Variants in MACF1 observed in about 807,000 individuals in gnomAD.
MACF1 encodes microtubule actin crosslinking factor 1.
In MACF1, 193 loss-of-function variants were observed where a neutral mutation model predicts 854.8. The observed-to-expected ratio is 0.23, with a 90% CI of 0.20 to 0.25. The LOEUF is 0.25. Ranked by LOEUF, MACF1 falls within the 10% of genes least tolerant of loss-of-function variation. The pLI is 1.00. For synonymous variants in MACF1, 3,185 were observed against 3,226.7 expected, an observed-to-expected ratio of 0.99 and a Z score of 0.44; for missense variants, 7,722 against 8,929.1, an observed-to-expected ratio of 0.86 and a Z score of 5.45.
chr1:39,448,867 G>A (rs967479013), intron 84 of MACF1, 104 bp downstream of exon 84: 6 of 839,966 alleles, frequency 7.1e-6, no homozygotes, highest in Non-Finnish European at 1.1e-5. Context: ...TCAGTAAGAG[G>A]TTTTGTACCA....
chr1:39,298,858 A>G (rs1036324246), intron 21 of MACF1, among the ~76,000 whole-genome samples: 1 of 151,876 alleles, frequency 6.6e-6, no homozygotes, highest in Admixed American at 6.6e-5. Flanking sequence ...ACCTTCTGTC[A>G]TAGGGTAACT....
intron 1 of MACF1, among the ~76,000 whole-genome samples, chr1:39,212,926 G>A (rs562193409): frequency 5.2e-4 from 79 of 152,254 alleles, no homozygotes; most frequent in African/African-American, 1.4e-3. Context: ...GTGCCTGGCC[G>A]AGTTAAATGT....
intron 61 of MACF1, among the ~76,000 whole-genome samples, chr1:39,425,838 C>G (rs1643708312): frequency 6.6e-6 from 1 of 152,124 alleles, no homozygotes; most frequent in African/African-American, 2.4e-5. Flanking sequence ...CCTTCCTGGT[C>G]CATAAACTCC....
intron 2 of MACF1, among the ~76,000 whole-genome samples, chr1:39,192,878 C>T (rs1296609702): frequency 6.6e-6 from 1 of 152,070 alleles, no homozygotes; most frequent in Non-Finnish European, 1.5e-5. Flanking sequence ...TAACCCGAGG[C>T]GGGTGGATAT....
intron 61 of MACF1, among the ~76,000 whole-genome samples, chr1:39,424,995 C>T (rs1324533996): frequency 6.6e-6 from 1 of 152,170 alleles, no homozygotes; most frequent in Non-Finnish European, 1.5e-5. Context: ...CAAAGTATGG[C>T]TTGCCTATGT....
intron 97 of MACF1, among the ~76,000 whole-genome samples, chr1:39,477,043 GTGTATATATA>G (rs1644899885): frequency 1.3e-5 from 1 of 74,968 alleles, no homozygotes; most frequent in Non-Finnish European, 2.5e-5. Context: ...TATACACTTA[GTGTATATATA>G]TATATATATA....
rs1442144757 is a variant in MACF1, at chr1:39,447,559, C to T, written c.19733C>T (p.Thr6578Ile). 1.9e-6 allele frequency: 3 copies of T among 1,614,092 alleles called. No individual in the cohort carries two copies. Among genetic ancestry groups the T allele is most frequent in the Admixed American group, 1.7e-5 (1 of 60,000 alleles). Residue 6578 changes from threonine to isoleucine, a missense_variant, in exon 81 of 101, where the codon ACT becomes ATT. Thr to Ile is a moderately conservative substitution (Grantham distance 89). This residue lies in a region of MACF1 where 729 missense variants were observed against 900.5 expected (regional missense o/e 0.81). Transcript: ENST00000564288. Reference protein sequence around the residue: ...IASPPSLILNTVLSQIEEHKV... With the variant: ...IASPPSLILNIVLSQIEEHKV... The stretch of plus-strand genomic sequence containing the variant: ...TCTCCACCAAGCCTGATTCTAAATA[C>T]TGTCCTTTCCCAGATAGAAGAGCAC...
intron 2 of MACF1, among the ~76,000 whole-genome samples, chr1:39,158,376 C>G (rs537296854): frequency 6.6e-6 from 1 of 152,170 alleles, no homozygotes; most frequent in Non-Finnish European, 1.5e-5. Flanking sequence ...TATGCAGTGC[C>G]TCCTCTGTTG....
rs139560068 is a variant in MACF1 at position 39,404,401 on chromosome 1, G to A, written c.15816+15743G>A. On this transcript the variant is annotated intron_variant, in intron 58 of 100. Coordinates refer to ENST00000564288, the MANE Select transcript of MACF1 (RefSeq NM_001394062.1). Reference sequence around the variant, plus strand: ...CAGGAGAATCACTTAAACCTGGGAGGTGGAGGTTGCAGTGAACCGAGATCG... The same window carrying A: ...CAGGAGAATCACTTAAACCTGGGAGATGGAGGTTGCAGTGAACCGAGATCG... Among the ~76,000 whole-genome samples the A allele has an allele frequency of 5.0e-3, 764 of 151,928 alleles. 4 individuals carry two copies. The highest frequency in any genetic ancestry group is 0.018 in the African/African-American group (730 of 41,420).
chr1:39,463,476 G>A (rs1450968181), intron 93 of MACF1, 136 bp from the exon 94 acceptor site: 7 of 570,276 alleles, frequency 1.2e-5, no homozygotes, highest in Non-Finnish European at 1.6e-5. Context: ...GGCAACAAGA[G>A]CGAAACTCCA....
intron 2 of MACF1, among the ~76,000 whole-genome samples, chr1:39,183,311 A>G (rs1369463355): frequency 6.6e-6 from 1 of 152,194 alleles, no homozygotes; most frequent in East Asian, 1.9e-4. Flanking sequence ...TGATACTTAA[A>G]TATCCATTGA....
At chr1:39,162,532 A>T (rs1466557515) in intron 2 of MACF1, among the ~76,000 whole-genome samples, 3 of 151,966 alleles carry the variant, frequency 2.0e-5, no homozygotes, top group Non-Finnish European at 4.4e-5. Context: ...CAGTAGAATT[A>T]TTCTCTCTCC....
intron 68 of MACF1, 47 bp from the exon 69 acceptor site, chr1:39,434,367 T>C (rs751435432): frequency 7.7e-6 from 9 of 1,176,306 alleles, no homozygotes; most frequent in South Asian, 1.4e-5. Context: ...CTTAAGAGTT[T>C]ATAATAGTAA....
chr1:39,197,468 A>G (rs996579794), intron 2 of MACF1, among the ~76,000 whole-genome samples: 142 of 152,350 alleles, frequency 9.3e-4, no homozygotes, highest in African/African-American at 3.2e-3. Context: ...AACATGGTAT[A>G]TGATTTTCTA....
chr1:39,272,257 T>C (rs2148361470), intron 6 of MACF1, among the ~76,000 whole-genome samples: 1 of 152,282 alleles, frequency 6.6e-6, no homozygotes, highest in East Asian at 1.9e-4. Context: ...AGGCTGCAAC[T>C]CTCACTGGTC....
intron 13 of MACF1, 62 bp downstream of exon 13, chr1:39,285,452 C>T: frequency 2.5e-6 from 4 of 1,578,918 alleles, no homozygotes; most frequent in Non-Finnish European, 3.5e-6. Flanking sequence ...TCACCCTCTG[C>T]TCTAATTGTT....
At chr1:39,238,336 G>A (rs747077583) in intron 2 of MACF1, among the ~76,000 whole-genome samples, 9 of 152,168 alleles carry the variant, frequency 5.9e-5, no homozygotes, top group Non-Finnish European at 8.8e-5. Context: ...CTTCACACTT[G>A]TCTCCTAGGG....
chr1:39,217,461 G>C (rs1644590308), intron 1 of MACF1, among the ~76,000 whole-genome samples: 1 of 151,834 alleles, frequency 6.6e-6, no homozygotes, highest in East Asian at 1.9e-4. Flanking sequence ...TTTTGGTAGA[G>C]ATGGGGTTTC....
Position 39,337,043 on chromosome 1 carries a change from TAAAC to T in MACF1, c.10066-135_10066-132del, listed in dbSNP as rs534003593. 215 of 749,454 alleles carry T rather than the reference TAAAC, an allele frequency of 2.9e-4. No homozygotes were observed. In the East Asian group the frequency reaches 5.0e-3, roughly 17 times the overall value. The allele number at this position is 749,454 out of a possible 1,614,324, so 46.4% of individuals were successfully genotyped here. A position where few individuals can be genotyped will look rare whatever the true frequency, so the allele number is the denominator to read the frequency against. On this transcript the variant is annotated intron_variant, in intron 37 of 100. Coordinates refer to ENST00000564288, the MANE Select transcript of MACF1 (RefSeq NM_001394062.1). ...CTTTGTCTATTGATTTGAAATGACTTAAACAAAGTGTTTTATTTTATCCCACTCT... is the reference window on the plus strand; with the variant it reads ...CTTTGTCTATTGATTTGAAATGACTTAAAGTGTTTTATTTTATCCCACTCT...
Sources: allele counts gnomAD v4.1 joint callset (sites outside exome capture counted in the v4.1 genomes callset), GRCh38; gene constraint gnomAD v4.1.1; regional missense constraint gnomAD v4.1.1; transcripts MANE v1.5; gene names NCBI Gene and HGNC (gene_info 2026-07-23, HGNC 2026-07-21).